Variants in MSI2 observed in about 807,000 individuals in gnomAD.
MSI2 encodes the protein musashi RNA binding protein 2.
In MSI2, 17 loss-of-function variants were observed where a neutral mutation model predicts 45.6. The observed-to-expected ratio is 0.37, with a 90% CI of 0.26 to 0.56. The LOEUF (loss-of-function observed/expected upper bound fraction) is 0.56, where lower values mean the gene tolerates loss of function less well. Among genes scored for constraint, MSI2 ranks in the 20% least tolerant of loss-of-function variants. MSI2 has a pLI of 0.77. For synonymous variants in MSI2, 156 were observed against 158.2 expected, an observed-to-expected ratio of 0.99 and a Z score of 0.11; for missense variants, 293 against 444.2, an observed-to-expected ratio of 0.66 and a Z score of 3.06.
chr17:57,539,828 A>G (rs1325735553), intron 7 of MSI2, among the ~76,000 whole-genome samples: 1 of 152,210 alleles, frequency 6.6e-6, no homozygotes, highest in Non-Finnish European at 1.5e-5. Context: ...CAGGAGCTCA[A>G]AGTGCTTCGT....
At chr17:57,299,516 C>T (rs1009473513) in intron 5 of MSI2, among the ~76,000 whole-genome samples, 9 of 152,036 alleles carry the variant, frequency 5.9e-5, no homozygotes, top group Non-Finnish European at 8.8e-5. Context: ...TACAGGCCTG[C>T]GGGAAGGGGA....
At chr17:57,672,481 CG>C (rs1555641164) in intron 11 of MSI2, among the ~76,000 whole-genome samples, 3 of 152,132 alleles carry the variant, frequency 2.0e-5, no homozygotes, top group Non-Finnish European at 4.4e-5. Context: ...ATCCTGTCTC[CG>C]AGGCTGCTTC....
rs894786159 is a variant in MSI2, at chr17:57,610,522, G to A, written c.538-5448G>A. Among the ~76,000 whole-genome samples, 4 of 97,204 alleles carry A rather than the reference G, an allele frequency of 4.1e-5. 2 individuals carry two copies. The highest frequency in any genetic ancestry group is 6.4e-5 in the African/African-American group (2 of 31,426). 63.8% of individuals were successfully genotyped at this position (97,204 alleles called of 152,430 possible). On this transcript the variant is annotated intron_variant, in intron 8 of 13. Transcript: ENST00000284073. ...AATGATAAGGCAAAAGTAACAAAAT[G>A]TTAGCAGTAGGTGAATTCTGGTAAA... is the stretch of plus-strand genomic sequence containing the variant.
At chr17:57,388,785 C>T (rs796908060) in intron 5 of MSI2, among the ~76,000 whole-genome samples, 21 of 151,922 alleles carry the variant, frequency 1.4e-4, no homozygotes, top group African/African-American at 4.3e-4. Flanking sequence ...TCCCAAGTAG[C>T]TGGGATTACA....
chr17:57,593,704 C>G lies in MSI2; in HGVS notation c.455-3164C>G, dbSNP rs138095316. On this transcript the variant is annotated intron_variant, in intron 7 of 13. Coordinates refer to ENST00000284073, the MANE Select transcript of MSI2 (RefSeq NM_138962.4). ...TATGTTTGGAGGGCCACTATTCAAC[C>G]TGCTACACTTGTCCTAATTAGCAGT... 3.3e-5 allele frequency among the ~76,000 whole-genome samples: 5 copies of G among 152,296 alleles called. No homozygotes were observed. In the East Asian group the frequency reaches 9.7e-4, roughly 29 times the overall value.
intron 6 of MSI2, among the ~76,000 whole-genome samples, chr17:57,488,725 G>A (rs563393123): frequency 2.6e-5 from 4 of 152,222 alleles, no homozygotes; most frequent in East Asian, 1.9e-4. Flanking sequence ...TTGGGAGGCT[G>A]AGGCAGGAGA....
rs1189134311 is a variant in MSI2, at chr17:57,529,569, T to C, written c.406-107T>C. 3.1e-5 allele frequency: 30 copies of C among 954,622 alleles called. No homozygotes were observed. Among genetic ancestry groups the C allele is most frequent in the Non-Finnish European group, 4.2e-5 (26 of 615,542 alleles). The allele number at this position is 954,622 out of a possible 1,614,324, so 59.1% of individuals were successfully genotyped here. A position where few individuals can be genotyped will look rare whatever the true frequency, so the allele number is the denominator to read the frequency against. ...TCAAATATTTTTTGATAAGCAACTA[T>C]TACTTCTGTAATGGAAACTACCCCC... On this transcript the variant is annotated intron_variant, in intron 6 of 13. Transcript: ENST00000284073. This position sits in a 1 kb window ranked among gnomAD's most constrained non-coding sequence, Gnocchi z 5.3.
At chr17:57,698,335 C>T in the MSI2 span, among the ~76,000 whole-genome samples, 1 of 152,248 alleles carries the variant, frequency 6.6e-6, no homozygotes, top group African/African-American at 2.4e-5. Flanking sequence ...CCCTTGCCCA[C>T]TTTCTGTGCC....
At chr17:57,479,967 C>T (rs2085615461) in intron 6 of MSI2, among the ~76,000 whole-genome samples, 1 of 152,126 alleles carries the variant, frequency 6.6e-6, no homozygotes, top group South Asian at 2.1e-4. Context: ...TTCACATTAC[C>T]AACTCATGAA....
At chr17:57,352,504 C>T (rs1916101776) in intron 5 of MSI2, among the ~76,000 whole-genome samples, 1 of 152,124 alleles carries the variant, frequency 6.6e-6, no homozygotes, top group African/African-American at 2.4e-5. Flanking sequence ...AGGGTGGAAC[C>T]CTGATTCCTA....
rs1426743210 is a variant in MSI2, at chr17:57,561,248, G to C, written c.454+31524G>C. On this transcript the variant is annotated intron_variant, in intron 7 of 13. Transcript: ENST00000284073. Reference sequence around the variant, plus strand: ...GGTGGGCCTGGGAGCTTTGCACAGGGTTCTGTCTAGGTGGAGGGTGGGAAC... The same window carrying C: ...GGTGGGCCTGGGAGCTTTGCACAGGCTTCTGTCTAGGTGGAGGGTGGGAAC... Among the ~76,000 whole-genome samples, 5 of 152,140 alleles carry C rather than the reference G, an allele frequency of 3.3e-5. No individual in the cohort carries two copies. The East Asian group carries it at 9.6e-4, about 29-fold the overall frequency.
intron 5 of MSI2, among the ~76,000 whole-genome samples, chr17:57,383,582 A>G (rs1375100338): frequency 6.6e-6 from 1 of 152,114 alleles, no homozygotes. Context: ...AATCGCTTGA[A>G]CCCAGGAGGC....
intron 6 of MSI2, among the ~76,000 whole-genome samples, chr17:57,433,259 G>A (rs1291475005): frequency 6.6e-6 from 1 of 152,210 alleles, no homozygotes; most frequent in Non-Finnish European, 1.5e-5. Context: ...ACCTCAGAAT[G>A]TGACCTTATT....
intron 6 of MSI2, among the ~76,000 whole-genome samples, chr17:57,498,736 TA>T (rs1166949003): frequency 6.6e-6 from 1 of 152,262 alleles, no homozygotes; most frequent in Non-Finnish European, 1.5e-5. Flanking sequence ...ATTCACTTTT[TA>T]ATTAGTTCAT....
Position 57,401,395 on chromosome 17 carries a change from A to G in MSI2, c.329A>G (p.Lys110Arg). The G allele has an allele frequency of 6.2e-7, 1 of 1,614,170 alleles. No individual in the cohort carries two copies. Among genetic ancestry groups the G allele is most frequent in the Non-Finnish European group, 8.5e-7 (1 of 1,179,972 alleles). ...TTCTTGCAGATGGTCACAAGAACAA[A>G]GAAAATATTTGTAGGCGGGTTATCT... is the stretch of plus-strand genomic sequence containing the variant. Reference protein sequence around the residue: ...RAQPKMVTRTKKIFVGGLSAN... With the variant: ...RAQPKMVTRTRKIFVGGLSAN... Residue 110 changes from lysine to arginine, a missense_variant, in exon 6 of 14, where the codon AAG (lysine) becomes AGG (arginine). Coordinates refer to ENST00000284073, the MANE Select transcript of MSI2 (RefSeq NM_138962.4).
chr17:57,301,562 C>G (rs917551109), intron 5 of MSI2, among the ~76,000 whole-genome samples: 3 of 152,232 alleles, frequency 2.0e-5, no homozygotes, highest in Admixed American at 2.0e-4. Flanking sequence ...GGTTTGCCTG[C>G]TTTTCACCCT....
At chr17:57,510,323 C>G (rs942780508) in intron 6 of MSI2, among the ~76,000 whole-genome samples, 3 of 151,768 alleles carry the variant, frequency 2.0e-5, no homozygotes, top group African/African-American at 7.3e-5. Flanking sequence ...TCTTCCTACC[C>G]TGATATTTTA....
chr17:57,697,135 G>A, the MSI2 span, among the ~76,000 whole-genome samples: 2,651 of 26,816 alleles, frequency 0.099, 34 homozygotes, highest in Middle Eastern at 0.17. Flanking sequence ...CTTCATCCTC[G>A]CCAGCAGGAC....
Position 57,529,459 on chromosome 17 carries a change from AG to A in MSI2, c.406-214del, listed in dbSNP as rs2086775213. Among the ~76,000 whole-genome samples, 1 of 152,066 alleles carries A rather than the reference AG, an allele frequency of 6.6e-6. No individual in the cohort carries two copies. The highest frequency in any genetic ancestry group is 6.6e-5 in the Admixed American group (1 of 15,266). On this transcript the variant is annotated intron_variant, in intron 6 of 13. Transcript: ENST00000284073. This position sits in a 1 kb window ranked among gnomAD's most constrained non-coding sequence, Gnocchi z 5.3. ...TCAAAAAATAAAAAGCAGACACTAAAGGGAACTATATAAAATGTTAACTGTA... is the reference window on the plus strand; with the variant it reads ...TCAAAAAATAAAAAGCAGACACTAAAGGAACTATATAAAATGTTAACTGTA...
Sources: gnomAD v4.1 joint callset for allele counts (sites outside exome capture counted in the v4.1 genomes callset) on GRCh38, gnomAD v4.1.1 for gene constraint, Gnocchi (gnomAD v3.1) non-coding constraint, MANE v1.5 for transcripts, NCBI Gene and HGNC (gene_info 2026-07-23, HGNC 2026-07-21) for gene names.